The following AP1G1 variants were observed in gnomAD, a reference collection of about 807,000 sequenced individuals.
The protein encoded by AP1G1 is AP-1 complex subunit gamma-1.
AP1G1 carries 7 observed loss-of-function variants against 108.3 expected under a neutral mutation model. The ratio of observed to expected loss-of-function variants is 0.06; its 90% CI spans 0.04 to 0.12. The LOEUF (loss-of-function observed/expected upper bound fraction) is 0.12. Ranked by LOEUF, AP1G1 falls within the 10% of genes least tolerant of loss-of-function variation. The pLI is 1.00. For missense variants in AP1G1, 756 were observed against 1,010.7 expected, an observed-to-expected ratio of 0.75 and a Z score of 3.42; for synonymous variants, 379 against 353.5, an observed-to-expected ratio of 1.07 and a Z score of -0.81.
Position 71,761,520 on chromosome 16 carries a change from C to G in AP1G1, c.966G>C (p.Lys322Asn). The change falls in exon 10 of 23, where the codon AAG (lysine) becomes AAC (asparagine). Residue 322 changes from lysine to asparagine, a missense_variant. Transcript: ENST00000299980. ...ILGRFLLNND[K>N]NIRYVALTSL... is the part of the protein sequence containing the mutation. ...TATTTCAGTTAACTTACCTAATATTCTTGTCATTGTTCAATAAGAAACGAC... is the reference window on the plus strand; with the variant it reads ...TATTTCAGTTAACTTACCTAATATTGTTGTCATTGTTCAATAAGAAACGAC... 6.3e-7 allele frequency: 1 copy of G among 1,592,858 alleles called. No individual in the cohort carries two copies.
chr16:71,732,163 G>A lies in AP1G1; in HGVS notation c.*895C>T, dbSNP rs2045481166. On this transcript the variant is annotated 3_prime_UTR_variant, in exon 23 of 23. Coordinates refer to ENST00000299980, the MANE Select transcript of AP1G1 (RefSeq NM_001128.6). ...GGCTTAGGAGCACTTTAAAATTTGT[G>A]GTGGGAATAGGGTCATTAATAACTA... The A allele has an allele frequency of 6.6e-6, 1 of 152,158 alleles. No homozygotes were observed. Among genetic ancestry groups the A allele is most frequent in the African/African-American group, 2.4e-5 (1 of 41,398 alleles). The allele number at this position is 152,158 out of a possible 1,614,324, so 9.4% of individuals were successfully genotyped here.
chr16:71,759,868 TATA>T (rs1398230741), intron 10 of AP1G1, among the ~76,000 whole-genome samples: 6 of 152,058 alleles, frequency 3.9e-5, no homozygotes, highest in Non-Finnish European at 7.4e-5. Context: ...AAAAAGAGCA[TATA>T]ATATGTCTTT....
intron 1 of AP1G1, among the ~76,000 whole-genome samples, chr16:71,800,889 G>A (rs1381433354): frequency 2.6e-5 from 4 of 152,170 alleles, no homozygotes; most frequent in Non-Finnish European, 5.9e-5. Context: ...CAACTACTCG[G>A]GAGGCTGAGG....
At position 71,807,838 on chromosome 16, in the gene AP1G1, G is replaced by A. The variant is rs778135347; in HGVS notation, c.-4+925C>T. 35 of 1,289,054 alleles carry A rather than the reference G, an allele frequency of 2.7e-5. No individual in the cohort carries two copies. In the African/African-American group the frequency reaches 4.7e-4, roughly 17 times the overall value. The allele number at this position is 1,289,054 out of a possible 1,614,324, so 79.9% of individuals were successfully genotyped here. A position where few individuals can be genotyped will look rare whatever the true frequency, so the allele number is the denominator to read the frequency against. On this transcript the variant is annotated intron_variant, in intron 1 of 22. Coordinates refer to ENST00000299980, the MANE Select transcript of AP1G1 (RefSeq NM_001128.6). ...TTTTTCTCCATGGACAGATTTCCGT[G>A]CTCAGGGATATATAATAGGGGAGAA...
chr16:71,779,848 T>C (rs9922054), intron 2 of AP1G1, among the ~76,000 whole-genome samples: 51,805 of 151,848 alleles, frequency 0.34, 9,683 homozygotes, highest in East Asian at 0.76. Flanking sequence ...CACATCTAAA[T>C]TGCTCACACC....
chr16:71,748,473 C>A (rs2030301449), intron 15 of AP1G1, 95 bp from the exon 16 acceptor site: 3 of 1,378,648 alleles, frequency 2.2e-6, no homozygotes, highest in African/African-American at 2.9e-5. Flanking sequence ...GCCAGAAAGA[C>A]AATCCTACCG....
chr16:71,793,446 T>G (rs1006535410), intron 1 of AP1G1, among the ~76,000 whole-genome samples: 1 of 151,984 alleles, frequency 6.6e-6, no homozygotes, highest in Non-Finnish European at 1.5e-5. Flanking sequence ...ACCCAGGAGA[T>G]AGAAACTGCT....
rs112433991 is a variant in AP1G1 at position 71,773,546 on chromosome 16, T to A, written c.327-184A>T. ...ATCAATATAGTAAACAGACTGACAG[T>A]CCCTCCTATAGGCTTACAAGCCAAT... On this transcript the variant is annotated intron_variant, in intron 3 of 22. Coordinates refer to ENST00000299980, the MANE Select transcript of AP1G1 (RefSeq NM_001128.6). Among the ~76,000 whole-genome samples the A allele has an allele frequency of 2.0e-3, 307 of 152,200 alleles. 2 individuals carry two copies. Among genetic ancestry groups the A allele is most frequent in the African/African-American group, 7.0e-3 (289 of 41,530 alleles).
rs1374193856 is a variant in AP1G1 at position 71,733,035 on chromosome 16, A to T, written c.*23T>A. 6.3e-7 allele frequency: 1 copy of T among 1,583,980 alleles called. No homozygotes were observed. The highest frequency in any genetic ancestry group is 1.3e-5 in the African/African-American group (1 of 74,142). ...GAGTTCCTTTGATTGAGTGGGATAA[A>T]GAATGAGAATGGTGCCAAACCCTCA... On this transcript the variant is annotated 3_prime_UTR_variant, in exon 23 of 23. Coordinates refer to ENST00000299980, the MANE Select transcript of AP1G1 (RefSeq NM_001128.6).
intron 1 of AP1G1, among the ~76,000 whole-genome samples, chr16:71,793,512 C>T (rs892832179): frequency 2.6e-5 from 4 of 152,048 alleles, no homozygotes; most frequent in Non-Finnish European, 5.9e-5. Flanking sequence ...AGGGAAGAAA[C>T]AAAAGCAGCA....
intron 11 of AP1G1, 54 bp downstream of exon 11, chr16:71,758,754 C>T (rs1039453996): frequency 2.0e-5 from 21 of 1,038,246 alleles, no homozygotes; most frequent in Non-Finnish European, 2.9e-5. Context: ...TATCAATAAT[C>T]TGTCACTCAA....
At chr16:71,784,280 C>G (rs1221399920) in intron 2 of AP1G1, among the ~76,000 whole-genome samples, 1 of 152,118 alleles carries the variant, frequency 6.6e-6, no homozygotes, top group Non-Finnish European at 1.5e-5. Flanking sequence ...AACTGAGACA[C>G]AGAAAGGTTA....
chr16:71,754,288 AGAAG>A lies in AP1G1; in HGVS notation c.1230-405_1230-402del, dbSNP rs374197630. ...AAAGAAGGAAAGAAGATGGAAGGAA[AGAAG>A]GAAGGAAGGAAGGAAGGAACAAAAA... is the stretch of plus-strand genomic sequence containing the variant. On this transcript the variant is annotated intron_variant, in intron 12 of 22. Transcript: ENST00000299980. Among the ~76,000 whole-genome samples the A allele has an allele frequency of 3.0e-3, 447 of 151,096 alleles. 1 individual carries two copies. The highest frequency in any genetic ancestry group is 6.5e-3 in the South Asian group (31 of 4,740).
At chr16:71,740,231 T>C (rs2045601994) in intron 19 of AP1G1, among the ~76,000 whole-genome samples, 1 of 152,182 alleles carries the variant, frequency 6.6e-6, no homozygotes, top group South Asian at 2.1e-4. Context: ...AATTCTTTGT[T>C]GTAGGGGGCT....
intron 11 of AP1G1, chr16:71,758,286 G>C (rs1332220336): frequency 2.6e-6 from 1 of 386,936 alleles, no homozygotes; most frequent in South Asian, 1.9e-5. Context: ...ACTCCACTGA[G>C]GGAAGAGATT....
At chr16:71,779,081 T>G (rs1407394427) in intron 2 of AP1G1, among the ~76,000 whole-genome samples, 1 of 152,132 alleles carries the variant, frequency 6.6e-6, no homozygotes, top group East Asian at 1.9e-4. Context: ...ATGGAAAACT[T>G]TTACTTCAAA....
chr16:71,781,032 G>A (rs1211138287), intron 2 of AP1G1, among the ~76,000 whole-genome samples: 1 of 152,104 alleles, frequency 6.6e-6, no homozygotes, highest in Non-Finnish European at 1.5e-5. Context: ...TACCTGGGCT[G>A]GTCTTGAATT....
chr16:71,758,718 AG>A, intron 11 of AP1G1, 89 bp downstream of exon 11: 1 of 730,522 alleles, frequency 1.4e-6, no homozygotes, highest in Non-Finnish European at 2.3e-6. Context: ...CTGAAAACAA[AG>A]TATCACATGG....
chr16:71,761,482 A>C (rs2031082056), intron 10 of AP1G1, 30 bp downstream of exon 10: 1 of 1,440,628 alleles, frequency 6.9e-7, no homozygotes, highest in African/African-American at 1.4e-5. Flanking sequence ...TATAATATCC[A>C]AGATAAAAGA....
Sources: gnomAD v4.1 joint callset for allele counts (sites outside exome capture counted in the v4.1 genomes callset) on GRCh38, gnomAD v4.1.1 for gene constraint, MANE v1.5 for transcripts, NCBI Gene and HGNC (gene_info 2026-07-23, HGNC 2026-07-21) for gene names.